Variants in PLD5 observed in about 807,000 individuals in gnomAD.
PLD5 encodes inactive phospholipase D5.
A neutral mutation model predicts 61.1 loss-of-function variants in PLD5; 36 were observed. The ratio of observed to expected loss-of-function variants is 0.59; its 90% CI spans 0.45 to 0.78. The LOEUF (loss-of-function observed/expected upper bound fraction) is 0.78. PLD5 is among the 30% of genes least tolerant of loss of function. PLD5 has a pLI of 0.00. For missense variants in PLD5, 515 were observed against 644.4 expected, an observed-to-expected ratio of 0.80 and a Z score of 2.17; for synonymous variants, 243 against 242.8, an observed-to-expected ratio of 1.00 and a Z score of -0.01.
rs1467368664 is a variant in PLD5 at position 242,324,509 on chromosome 1, T to C, written c.326+23597A>G. ...AAGCTGCCCTGTTCTTTCCTGGGTG[T>C]AGGTTGAACTAAGTTTGGAAGAAAT... On this transcript the variant is annotated intron_variant, in intron 2 of 9. Transcript: ENST00000536534. Among the ~76,000 whole-genome samples the C allele has an allele frequency of 3.3e-5, 5 of 152,192 alleles. No homozygotes were observed. In the East Asian group the frequency reaches 9.6e-4, roughly 29 times the overall value.
At position 242,084,680 on chromosome 1, in the gene PLD5, T is replaced by A. The variant is rs1030395188; in HGVS notation, c.*5174A>T. 1 of 150,260 alleles carries A rather than the reference T, an allele frequency of 6.7e-6. No individual in the cohort carries two copies. The highest frequency in any genetic ancestry group is 2.4e-5 in the African/African-American group (1 of 40,922). The allele number at this position is 150,260 out of a possible 1,614,324, so 9.3% of individuals were successfully genotyped here. On this transcript the variant is annotated 3_prime_UTR_variant, in exon 10 of 10. Coordinates refer to ENST00000536534, the MANE Select transcript of PLD5 (RefSeq NM_001372062.1). ...GCTGAGCAGACACTAGGTTCTCTAG[T>A]GGGGTCTCTATGATTGTTTCTTTTT...
rs56851216 is a variant in PLD5 at position 242,297,621 on chromosome 1, CTTTTTTTTTTTTTTTTT to C, written c.327-9108_327-9092del. On this transcript the variant is annotated intron_variant, in intron 2 of 9. Transcript: ENST00000536534. ...GTTTAATTAGTATGGATTCATGTTTCTTTTTTTTTTTTTTTTTTTTTTTTTTTTTGAGATGGAGTCTC... is the reference window on the plus strand; with the variant it reads ...GTTTAATTAGTATGGATTCATGTTTCTTTTTTTTTTTTGAGATGGAGTCTC... Among the ~76,000 whole-genome samples the C allele has an allele frequency of 1.0e-4, 11 of 107,218 alleles. No individual in the cohort carries two copies. In the East Asian group the frequency reaches 1.6e-3, roughly 16 times the overall value. The allele number at this position is 107,218 out of a possible 152,430, so 70.3% of individuals were successfully genotyped here.
chr1:242,449,547 C>G, intron 1 of PLD5: 1 of 1,446,670 alleles, frequency 6.9e-7, no homozygotes, highest in Non-Finnish European at 9.0e-7. Flanking sequence ...AAACTGAGCA[C>G]GAAGAGAGAA....
chr1:242,335,805 T>A (rs140667457), intron 2 of PLD5, among the ~76,000 whole-genome samples: 3,731 of 152,318 alleles, frequency 0.024, 140 homozygotes, highest in African/African-American at 0.08. Context: ...AAAACATTAA[T>A]AACTGCCTAT....
chr1:242,156,688 C>T (rs1228163432), intron 5 of PLD5, among the ~76,000 whole-genome samples: 1 of 152,196 alleles, frequency 6.6e-6, no homozygotes, highest in African/African-American at 2.4e-5. Context: ...CCCCTACTCT[C>T]TTCTGGCTTG....
chr1:242,327,498 G>A (rs1457934720), intron 2 of PLD5, among the ~76,000 whole-genome samples: 1 of 152,142 alleles, frequency 6.6e-6, no homozygotes, highest in East Asian at 1.9e-4. Context: ...GTGCTGAACA[G>A]CTCCTCATTA....
chr1:242,296,195 T>A (rs1422346286), intron 2 of PLD5, among the ~76,000 whole-genome samples: 1 of 152,170 alleles, frequency 6.6e-6, no homozygotes, highest in Non-Finnish European at 1.5e-5. Flanking sequence ...TGCTGATATG[T>A]CTCCTTTTGA....
At chr1:242,503,824 A>AT (rs1668635516) in intron 1 of PLD5, among the ~76,000 whole-genome samples, 1 of 152,102 alleles carries the variant, frequency 6.6e-6, no homozygotes, top group African/African-American at 2.4e-5. Context: ...CGTTGATGGC[A>AT]TTTTAACACC....
At chr1:242,399,820 G>C (rs1014867125) in intron 1 of PLD5, among the ~76,000 whole-genome samples, 1 of 152,136 alleles carries the variant, frequency 6.6e-6, no homozygotes, top group Non-Finnish European at 1.5e-5. Context: ...ATTACCACGG[G>C]AGCGCAAACC....
intron 2 of PLD5, among the ~76,000 whole-genome samples, chr1:242,331,237 G>A (rs900573572): frequency 3.9e-5 from 6 of 152,136 alleles, no homozygotes; most frequent in Admixed American, 2.0e-4. Context: ...AGCGTGCAGC[G>A]ATTAAGACAT....
At chr1:242,407,395 C>T (rs918461192) in intron 1 of PLD5, among the ~76,000 whole-genome samples, 2 of 152,092 alleles carry the variant, frequency 1.3e-5, no homozygotes, top group African/African-American at 4.8e-5. Context: ...TTAAACACAG[C>T]ACTGAAGTAT....
chr1:242,218,106 A>G (rs530311889), intron 5 of PLD5, among the ~76,000 whole-genome samples: 10 of 152,300 alleles, frequency 6.6e-5, no homozygotes, highest in African/African-American at 2.4e-4. Context: ...GGCCAACTCC[A>G]TTGCTGTCTT....
chr1:242,444,640 T>C, intron 1 of PLD5, among the ~76,000 whole-genome samples: 1 of 71,274 alleles, frequency 1.4e-5, no homozygotes, highest in Non-Finnish European at 3.1e-5. Flanking sequence ...ATTATATATT[T>C]ATATAAAATA....
intron 1 of PLD5, among the ~76,000 whole-genome samples, chr1:242,472,309 G>A (rs1375152831): frequency 5.3e-5 from 8 of 152,172 alleles, no homozygotes; most frequent in Non-Finnish European, 8.8e-5. Flanking sequence ...TGAATAAGGA[G>A]CACACTTTGT....
chr1:242,447,515 G>C (rs974486494), intron 1 of PLD5, among the ~76,000 whole-genome samples: 1 of 152,256 alleles, frequency 6.6e-6, no homozygotes, highest in Non-Finnish European at 1.5e-5. Context: ...CTAGGCAAAA[G>C]CTAGGTGGTC....
intron 3 of PLD5, among the ~76,000 whole-genome samples, chr1:242,271,100 C>A (rs12132952): frequency 0.27 from 40,932 of 151,080 alleles, 6,787 homozygotes; most frequent in Middle Eastern, 0.43. Flanking sequence ...AATTAAAGAA[C>A]CATATGGCCA....
chr1:242,196,935 A>G (rs1055931528), intron 5 of PLD5, among the ~76,000 whole-genome samples: 1 of 152,030 alleles, frequency 6.6e-6, no homozygotes, highest in Middle Eastern at 3.2e-3. Flanking sequence ...TTCAAGTATT[A>G]TTATTATTTT....
Position 242,475,830 on chromosome 1 carries a change from G to A in PLD5, c.189+48258C>T, listed in dbSNP as rs867878309. On this transcript the variant is annotated intron_variant, in intron 1 of 9. Coordinates refer to ENST00000536534, the MANE Select transcript of PLD5 (RefSeq NM_001372062.1). The stretch of plus-strand genomic sequence containing the variant: ...AGAGGAAGAGAGTCTAGAAGAGTGT[G>A]TGCTCAGAGGCACCCCCATGAGAAG... Among the ~76,000 whole-genome samples, 59 of 152,268 alleles carry A rather than the reference G, an allele frequency of 3.9e-4. No individual in the cohort carries two copies. The Middle Eastern group carries it at 0.017, about 44-fold the overall frequency.
At chr1:242,377,872 A>G (rs1232420094) in intron 1 of PLD5, among the ~76,000 whole-genome samples, 3 of 152,214 alleles carry the variant, frequency 2.0e-5, no homozygotes, top group African/African-American at 7.2e-5. Flanking sequence ...AATAACAAAT[A>G]TTAGTAAGGA....
Sources: allele counts gnomAD v4.1 joint callset (sites outside exome capture counted in the v4.1 genomes callset), GRCh38; gene constraint gnomAD v4.1.1; transcripts MANE v1.5; gene names NCBI Gene and HGNC (gene_info 2026-07-23, HGNC 2026-07-21).